Variants in PKD1L1 observed in about 807,000 individuals in gnomAD.
PKD1L1 encodes the protein polycystin-1-like protein 1.
Under a neutral mutation model 323.4 loss-of-function variants are expected in PKD1L1, and 236 were observed. The ratio of observed to expected loss-of-function variants is 0.73; its 90% CI spans 0.66 to 0.81. The LOEUF is 0.81. Ranked by LOEUF, PKD1L1 falls within the 40% of genes least tolerant of loss-of-function variation. The pLI is 0.00. For missense variants in PKD1L1, 3,320 were observed against 3,508.0 expected, an observed-to-expected ratio of 0.95 and a Z score of 1.35; for synonymous variants, 1,344 against 1,335.0, an observed-to-expected ratio of 1.01 and a Z score of -0.15.
chr7:47,887,892 T>C, intron 17 of PKD1L1, 98 bp downstream of exon 17: 5 of 1,227,388 alleles, frequency 4.1e-6, no homozygotes, highest in African/African-American at 3.1e-5. Context: ...TCAGACACAC[T>C]GGGTCATACC....
At chr7:47,880,562 G>A (rs1289105994) in intron 21 of PKD1L1, among the ~76,000 whole-genome samples, 166 bp downstream of exon 21, 1 of 64,708 alleles carries the variant, frequency 1.5e-5, no homozygotes, top group Admixed American at 1.4e-4. Flanking sequence ...GATTACAAGC[G>A]TGAGCCACTG....
At chr7:47,934,548 T>A (rs1787830731) in intron 4 of PKD1L1, among the ~76,000 whole-genome samples, 1 of 152,188 alleles carries the variant, frequency 6.6e-6, no homozygotes, top group Admixed American at 6.5e-5. Flanking sequence ...TCCTTTTATA[T>A]CCCTTTAGTT....
At position 47,775,138 on chromosome 7, in the gene PKD1L1, G is replaced by C. The variant is rs115153778; in HGVS notation, c.*5C>G. ...CCATAGTGCCTATGCAAGGTACCAGGCTCCTCAGAAGTCCTTGATGTCTGC... is the reference window on the plus strand; with the variant it reads ...CCATAGTGCCTATGCAAGGTACCAGCCTCCTCAGAAGTCCTTGATGTCTGC... On this transcript the variant is annotated 3_prime_UTR_variant, in exon 57 of 57. Coordinates refer to ENST00000289672, the MANE Select transcript of PKD1L1 (RefSeq NM_138295.5). The C allele has an allele frequency of 9.7e-4, 1,559 of 1,613,904 alleles. 11 individuals are homozygous for C. In the African/African-American group the frequency reaches 0.017, roughly 18 times the overall value.
At chr7:47,951,904 C>T (rs937475701), upstream of PKD1L1, among the ~76,000 whole-genome samples, 1 of 152,210 alleles carries the variant, frequency 6.6e-6, no homozygotes, top group Admixed American at 6.5e-5. Flanking sequence ...TTTCTCACCT[C>T]CAAATGGAGC....
the PKD1L1 span, among the ~76,000 whole-genome samples, chr7:47,958,317 C>G: frequency 6.6e-6 from 1 of 152,032 alleles, no homozygotes; most frequent in Non-Finnish European, 1.5e-5. Context: ...ACAAAGGCAC[C>G]AAGAACACAC....
intron 14 of PKD1L1, 107 bp from the exon 15 acceptor site, chr7:47,894,166 G>A (rs1006904802): frequency 1.3e-5 from 13 of 982,116 alleles, no homozygotes; most frequent in East Asian, 1.1e-4. Flanking sequence ...GAGTCTCAAC[G>A]CATCCCTGGC....
intron 25 of PKD1L1, among the ~76,000 whole-genome samples, 191 bp from the exon 26 acceptor site, chr7:47,865,463 C>T (rs1786143269): frequency 6.6e-6 from 1 of 152,166 alleles, no homozygotes; most frequent in Non-Finnish European, 1.5e-5. Flanking sequence ...CCTTGGAATC[C>T]AGCATCTCTC....
At chr7:47,780,262 C>T (rs181361544) in intron 56 of PKD1L1, among the ~76,000 whole-genome samples, 1 of 152,274 alleles carries the variant, frequency 6.6e-6, no homozygotes, top group African/African-American at 2.4e-5. Flanking sequence ...TTCTTCCTTC[C>T]TTCCTCACCG....
intron 4 of PKD1L1, among the ~76,000 whole-genome samples, chr7:47,933,442 T>C (rs1267266934): frequency 6.6e-6 from 1 of 152,176 alleles, no homozygotes; most frequent in Admixed American, 6.6e-5. Context: ...TCTGCGGTGC[T>C]CAACCTTGGC....
chr7:47,833,179 C>A lies in PKD1L1; in HGVS notation c.6248G>T (p.Cys2083Phe), dbSNP rs1282372714. The A allele has an allele frequency of 6.2e-7, 1 of 1,612,822 alleles. No individual in the cohort carries two copies. The highest frequency in any genetic ancestry group is 2.2e-5 in the East Asian group (1 of 44,862). Residue 2083 changes from cysteine to phenylalanine, a missense_variant, in exon 41 of 57, where the codon TGT becomes TTT. Coordinates refer to ENST00000289672, the MANE Select transcript of PKD1L1 (RefSeq NM_138295.5). ...RKAASDNGTA[C>F]PAPKLQVHGA... ...ATGAACCTGCAGCTTAGGGGCTGGA[C>A]AAGCTGTGCCATTGTCACTTGCCGC...
At chr7:47,944,612 T>C (rs577424024) in intron 1 of PKD1L1, among the ~76,000 whole-genome samples, 268 of 152,360 alleles carry the variant, frequency 1.8e-3, no homozygotes, top group Non-Finnish European at 2.3e-3. Flanking sequence ...CAAAGCTCTC[T>C]ACAGGTGTGC....
rs762408195 is a variant in PKD1L1, at chr7:47,885,871, C to A, written c.3020G>T (p.Gly1007Val). Residue 1007 changes from glycine (G) to valine (V), a missense_variant, in exon 18 of 57, where the codon GGA becomes GTA. Coordinates refer to ENST00000289672, the MANE Select transcript of PKD1L1 (RefSeq NM_138295.5). ...LGQPATSAPR[G>V]TPTEPMTGVY... ...TCCAGTCATGGGCTCTGTGGGGGTT[C>A]CCCTTGGAGCTGAAGTGGCAGGTTG... The A allele has an allele frequency of 1.2e-5, 19 of 1,614,146 alleles. No homozygotes were observed. In the South Asian group the frequency reaches 2.1e-4, roughly 18 times the overall value.
chr7:47,914,754 C>G (rs77606837), intron 8 of PKD1L1, among the ~76,000 whole-genome samples: 103 of 152,076 alleles, frequency 6.8e-4, no homozygotes, highest in African/African-American at 2.3e-3. Context: ...TTTTCTCCCC[C>G]CCAACATCCC....
intron 24 of PKD1L1, among the ~76,000 whole-genome samples, chr7:47,868,362 T>C (rs1374095957): frequency 6.6e-6 from 1 of 151,326 alleles, no homozygotes; most frequent in Non-Finnish European, 1.5e-5. Flanking sequence ...GGGTGAGACC[T>C]TGTCTCAAGG....
chr7:47,811,891 G>A lies in PKD1L1; in HGVS notation c.7507C>T (p.Pro2503Ser). 1 of 1,611,080 alleles carries A rather than the reference G, an allele frequency of 6.2e-7. No individual in the cohort carries two copies. Among genetic ancestry groups the A allele is most frequent in the Non-Finnish European group, 8.5e-7 (1 of 1,178,890 alleles). The change falls in exon 50 of 57, where the codon CCC becomes TCC. Residue 2503 changes from proline (P) to serine (S), a missense_variant. Pro to Ser is a moderately conservative substitution (Grantham distance 74). Coordinates refer to ENST00000289672, the MANE Select transcript of PKD1L1 (RefSeq NM_138295.5). The stretch of plus-strand genomic sequence containing the variant: ...CTGAATGACTCCACCAGGGATGAGG[G>A]GACGAGACTCCCCGTAGGGAGGATC... ...VEILPTGSLV[P>S]SSLVESFSIF...
At chr7:47,792,849 C>T (rs1786983544) in intron 55 of PKD1L1, 52 bp from the exon 56 acceptor site, 1 of 1,506,598 alleles carries the variant, frequency 6.6e-7, no homozygotes, top group East Asian at 2.3e-5. Flanking sequence ...CTCATTATCC[C>T]CCTTTCCTCA....
chr7:47,832,487 A>G (rs1180382644), intron 41 of PKD1L1, among the ~76,000 whole-genome samples: 2 of 152,246 alleles, frequency 1.3e-5, no homozygotes, highest in African/African-American at 4.8e-5. Context: ...CTGCACGCAC[A>G]GGCCTTGCCA....
At chr7:47,956,083 G>A in the PKD1L1 span, among the ~76,000 whole-genome samples, 1 of 152,152 alleles carries the variant, frequency 6.6e-6, no homozygotes, top group African/African-American at 2.4e-5. Flanking sequence ...ATACCCAGTG[G>A]CAAGATTATT....
upstream of PKD1L1, among the ~76,000 whole-genome samples, chr7:47,952,245 T>A (rs1363423035): frequency 2.0e-5 from 3 of 152,156 alleles, no homozygotes; most frequent in African/African-American, 4.8e-5. Flanking sequence ...AAACTTACCA[T>A]CCTTTGAGCT....
Sources: gnomAD v4.1 joint callset for allele counts (sites outside exome capture counted in the v4.1 genomes callset) on GRCh38, gnomAD v4.1.1 for gene constraint, MANE v1.5 for transcripts, NCBI Gene and HGNC (gene_info 2026-07-23, HGNC 2026-07-21) for gene names.